Variants in PDE3B observed in about 807,000 individuals in gnomAD.
The protein encoded by PDE3B is phosphodiesterase 3B.
In PDE3B, 66 loss-of-function variants were observed where a neutral mutation model predicts 116.8. The ratio of observed to expected loss-of-function variants is 0.56; its 90% CI spans 0.46 to 0.69. The LOEUF is 0.69. Ranked by LOEUF, PDE3B falls within the 30% of genes least tolerant of loss-of-function variation. PDE3B has a pLI of 0.00. For synonymous variants in PDE3B, 595 were observed against 533.6 expected, an observed-to-expected ratio of 1.12 and a Z score of -1.59; for missense variants, 1,384 against 1,368.1, an observed-to-expected ratio of 1.01 and a Z score of -0.18.
chr11:14,766,141 T>C (rs1857487876), intron 1 of PDE3B, among the ~76,000 whole-genome samples: 1 of 151,724 alleles, frequency 6.6e-6, no homozygotes, highest in African/African-American at 2.4e-5. Flanking sequence ...AAAATTAAAA[T>C]ATTTTATATC....
the PDE3B span, chr11:14,879,323 A>AT: frequency 9.2e-5 from 148 of 1,612,984 alleles, 1 homozygote; most frequent in Admixed American, 2.4e-3. Context: ...TAATGGAACT[A>AT]TATTACAGAA....
chr11:14,824,624 A>G (rs539804574), intron 7 of PDE3B, among the ~76,000 whole-genome samples: 1 of 152,332 alleles, frequency 6.6e-6, no homozygotes, highest in East Asian at 1.9e-4. Context: ...CAAAACCTCT[A>G]GAAATATGGG....
At position 14,786,646 on chromosome 11, in the gene PDE3B, A is replaced by T; in HGVS notation, c.1239A>T (p.Ile413=). The T allele has an allele frequency of 6.2e-7, 1 of 1,612,428 alleles. No individual in the cohort carries two copies. The highest frequency in any genetic ancestry group is 8.5e-7 in the Non-Finnish European group (1 of 1,178,620). Residue 413 remains isoleucine, a synonymous_variant, in exon 3 of 16, where the codon ATA becomes ATT. Coordinates refer to ENST00000282096, the MANE Select transcript of PDE3B (RefSeq NM_000922.4). ...CTGGATTTTACCCCTGTTCTGAAAT[A>T]GAGGACCCAGCTGAGAAAGGGGATA... is the stretch of plus-strand genomic sequence containing the variant. ...PFPGFYPCSE[I]EDPAEKGDRK...
At chr11:14,878,344 T>C in the PDE3B span, 1 of 1,565,664 alleles carries the variant, frequency 6.4e-7, no homozygotes, top group Middle Eastern at 1.7e-4. Flanking sequence ...CCACAATCTT[T>C]ACCAAAATTA....
intron 10 of PDE3B, 64 bp from the exon 11 acceptor site, chr11:14,834,917 GA>G (rs1860006919): frequency 1.2e-6 from 1 of 801,680 alleles, no homozygotes; most frequent in Non-Finnish European, 2.1e-6. Context: ...GTATGACTAG[GA>G]AATTATTGTA....
intron 4 of PDE3B, among the ~76,000 whole-genome samples, chr11:14,801,632 T>A (rs780817301): frequency 6.6e-6 from 1 of 152,142 alleles, no homozygotes; most frequent in Non-Finnish European, 1.5e-5. Flanking sequence ...CTTGAGGAGG[T>A]AGTCTGACCC....
chr11:14,809,541 G>C (rs1253245724), intron 5 of PDE3B, among the ~76,000 whole-genome samples: 25 of 152,208 alleles, frequency 1.6e-4, no homozygotes, highest in Admixed American at 1.6e-3. Context: ...TCTATAGATA[G>C]AGAAAGTATA....
chr11:14,695,441 T>C (rs923924452), intron 1 of PDE3B, among the ~76,000 whole-genome samples: 2 of 152,146 alleles, frequency 1.3e-5, no homozygotes, highest in African/African-American at 4.8e-5. Flanking sequence ...GGTAGACATA[T>C]GTACTAATTT....
intron 5 of PDE3B, among the ~76,000 whole-genome samples, chr11:14,806,877 A>G (rs1304240542): frequency 3.3e-5 from 5 of 151,034 alleles, no homozygotes; most frequent in East Asian, 1.9e-4. Context: ...AAAAAAAAAA[A>G]AAAGAAAAAA....
intron 1 of PDE3B, among the ~76,000 whole-genome samples, chr11:14,704,956 A>G (rs955968317): frequency 1.3e-5 from 2 of 151,726 alleles, no homozygotes; most frequent in African/African-American, 2.4e-5. Context: ...TTTATAATAC[A>G]TATATTTGAG....
intron 12 of PDE3B, among the ~76,000 whole-genome samples, chr11:14,855,396 A>G (rs1432319978): frequency 6.6e-6 from 1 of 152,212 alleles, no homozygotes; most frequent in Non-Finnish European, 1.5e-5. Flanking sequence ...CATCTATAAA[A>G]GAACAAAAAT....
intron 4 of PDE3B, among the ~76,000 whole-genome samples, chr11:14,802,642 C>T (rs912184706): frequency 1.3e-5 from 2 of 152,108 alleles, no homozygotes; most frequent in African/African-American, 2.4e-5. Flanking sequence ...AATGTTGCCC[C>T]GGGTGGTACT....
At chr11:14,892,204 A>G in the PDE3B span, 6 of 1,609,432 alleles carry the variant, frequency 3.7e-6, no homozygotes, top group South Asian at 1.1e-5. Context: ...AAGCTTCCAC[A>G]TCGGCCCGAG....
At position 14,644,352 on chromosome 11, in the gene PDE3B, C is replaced by A. The variant is rs772151626; in HGVS notation, c.277C>A (p.Leu93Met). The change falls in exon 1 of 16, where the codon CTG becomes ATG. Residue 93 changes from leucine (L) to methionine (M), a missense_variant. Coordinates refer to ENST00000282096, the MANE Select transcript of PDE3B (RefSeq NM_000922.4). The stretch of plus-strand genomic sequence containing the variant: ...CCTGGCTGCCTTTGTCCTCGCCCTG[C>A]TGCTGGGCGCGGAACCCGAGAGCTG... ...GALAAFVLAL[L>M]LGAEPESWAA... The A allele has an allele frequency of 2.5e-6, 4 of 1,591,488 alleles. No individual in the cohort carries two copies. In the South Asian group the frequency reaches 4.5e-5, roughly 18 times the overall value.
At chr11:14,880,635 A>G in the PDE3B span, 2 of 1,599,684 alleles carry the variant, frequency 1.3e-6, no homozygotes, top group Non-Finnish European at 1.7e-6. Flanking sequence ...TTTCAATAGC[A>G]TCATTGAAAA....
chr11:14,818,150 A>G, intron 5 of PDE3B, 33 bp from the exon 6 acceptor site: 2 of 1,364,412 alleles, frequency 1.5e-6, no homozygotes, highest in Non-Finnish European at 2.1e-6. Flanking sequence ...ATACATTCTT[A>G]TTTATCTATC....
chr11:14,753,327 G>A (rs747831609), intron 1 of PDE3B, among the ~76,000 whole-genome samples: 26 of 152,118 alleles, frequency 1.7e-4, no homozygotes, highest in African/African-American at 6.3e-4. Context: ...AAAAGAGATG[G>A]AGATGTAAAC....
At position 14,843,859 on chromosome 11, in the gene PDE3B, G is replaced by A. The variant is rs752017954; in HGVS notation, c.2353G>A (p.Ala785Thr). ...TGGTAGAATTAACCATGGGCGAATT[G>A]CTTATATTTCTTCGAAGAGCTGCTC... ...SDGRINHGRI[A>T]YISSKSCSNP... The change falls in exon 12 of 16, where the codon GCT becomes ACT. Residue 785 changes from alanine to threonine, a missense_variant. By Grantham distance (58) the Ala-to-Thr change is moderately conservative. Transcript: ENST00000282096. 1 of 1,614,088 alleles carries A rather than the reference G, an allele frequency of 6.2e-7. No homozygotes were observed. The highest frequency in any genetic ancestry group is 1.7e-5 in the Admixed American group (1 of 60,024).
At chr11:14,710,503 G>C (rs1187801204) in intron 1 of PDE3B, among the ~76,000 whole-genome samples, 1 of 152,166 alleles carries the variant, frequency 6.6e-6, no homozygotes. Context: ...TGTGACCAAA[G>C]TCCATCAGAG....
Sources: allele counts gnomAD v4.1 joint callset (sites outside exome capture counted in the v4.1 genomes callset), GRCh38; gene constraint gnomAD v4.1.1; transcripts MANE v1.5; gene names NCBI Gene and HGNC (gene_info 2026-07-23, HGNC 2026-07-21).